PDZD8: variants seen among roughly 807,000 people sequenced by gnomAD.
The protein encoded by PDZD8 is PDZ domain containing 8, also known as PDZ domain-containing protein 8.
Under a neutral mutation model 85.8 loss-of-function variants are expected in PDZD8, and 14 were observed. The observed-to-expected ratio is 0.16, with a 90% CI of 0.11 to 0.26. PDZD8 has a LOEUF of 0.26. Among genes scored for constraint, PDZD8 ranks in the 10% least tolerant of loss-of-function variants. PDZD8 has a pLI of 1.00. For synonymous variants in PDZD8, 592 were observed against 568.6 expected (o/e 1.04, Z -0.59); for missense variants, 1,197 against 1,424.3 (o/e 0.84, Z 2.57).
At position 117,375,072 on chromosome 10, in the gene PDZD8, C is replaced by G. The variant is rs753411635; in HGVS notation, c.156G>C (p.Pro52=). The change falls in exon 1 of 5, where the codon CCG becomes CCC. Residue 52 remains proline (P), a synonymous_variant. Coordinates refer to ENST00000334464, the MANE Select transcript of PDZD8 (RefSeq NM_173791.5). ...AAAGGTACTCCCTTAGGAGCAGGCC[C>G]GGCACTGGCTTGATGTAGCGGAAGC... ...GEGFRYIKPV[P]GLLLREYLYG... 1.9e-6 allele frequency: 3 copies of G among 1,600,830 alleles called. No homozygotes were observed. Among genetic ancestry groups the G allele is most frequent in the African/African-American group, 1.3e-5 (1 of 74,774 alleles).
At chr10:117,367,883 G>C (rs1845117554) in intron 1 of PDZD8, among the ~76,000 whole-genome samples, 1 of 151,894 alleles carries the variant, frequency 6.6e-6, no homozygotes, top group African/African-American at 2.4e-5. Flanking sequence ...TCATGCACCT[G>C]CACTCCAGCC....
At chr10:117,305,216 C>A (rs1843914100) in intron 3 of PDZD8, among the ~76,000 whole-genome samples, 1 of 152,062 alleles carries the variant, frequency 6.6e-6, no homozygotes, top group Non-Finnish European at 1.5e-5. Flanking sequence ...AGTTCGAAAC[C>A]AGCCTGGCCA....
rs1026928149 is a variant in PDZD8, at chr10:117,349,370, C to T, written c.873-8268G>A. Among the ~76,000 whole-genome samples the T allele has an allele frequency of 3.9e-5, 6 of 152,062 alleles. No homozygotes were observed. The East Asian group carries it at 9.6e-4, about 24-fold the overall frequency. The stretch of plus-strand genomic sequence containing the variant: ...ATTGCTTTGAATGGCACCAAGGTAA[C>T]GAAACTGGAATATAGAGAAGGAAAC... On this transcript the variant is annotated intron_variant, in intron 1 of 4. Coordinates refer to ENST00000334464, the MANE Select transcript of PDZD8 (RefSeq NM_173791.5).
rs1554854831 is a variant in PDZD8 at position 117,333,117 on chromosome 10, C to CAAAAAAAAACAAAAAAA, written c.995+7862_995+7863insTTTTTTTGTTTTTTTTT. On this transcript the variant is annotated intron_variant, in intron 2 of 4. Transcript: ENST00000334464. The stretch of plus-strand genomic sequence containing the variant: ...CTGGACAGCAGAGTGGACTCTGTCT[C>CAAAAAAAAACAAAAAAA]AAAAAAAAAAAAAAAAAAAAAAAAA... Among the ~76,000 whole-genome samples the CAAAAAAAAACAAAAAAA allele has an allele frequency of 2.8e-4, 2 of 7,264 alleles. 1 individual carries two copies. Among genetic ancestry groups the CAAAAAAAAACAAAAAAA allele is most frequent in the Non-Finnish European group, 1.2e-3 (2 of 1,738 alleles). 4.8% of individuals were successfully genotyped at this position (7,264 alleles called of 152,430 possible). A position where few individuals can be genotyped will look rare whatever the true frequency, so the allele number is the denominator to read the frequency against.
intron 2 of PDZD8, among the ~76,000 whole-genome samples, chr10:117,333,108 ACT>A (rs1446915982): frequency 5.7e-4 from 65 of 113,378 alleles, no homozygotes; most frequent in Middle Eastern, 8.3e-3. Flanking sequence ...AGCAGAGTGG[ACT>A]CTGTCTCAAA....
chr10:117,371,940 T>C (rs375299362), intron 1 of PDZD8, among the ~76,000 whole-genome samples: 11 of 152,074 alleles, frequency 7.2e-5, no homozygotes, highest in African/African-American at 2.7e-4. Context: ...CAAAATCCTG[T>C]CTCAACAAAC....
At chr10:117,330,271 C>A (rs1205387234) in intron 2 of PDZD8, among the ~76,000 whole-genome samples, 2 of 152,030 alleles carry the variant, frequency 1.3e-5, no homozygotes, top group African/African-American at 4.8e-5. Context: ...CAAATCTAAT[C>A]TTCAGTCCTC....
At chr10:117,315,451 T>G (rs1483875784) in intron 3 of PDZD8, among the ~76,000 whole-genome samples, 1 of 151,692 alleles carries the variant, frequency 6.6e-6, no homozygotes, top group Non-Finnish European at 1.5e-5. Flanking sequence ...AACAATTAGC[T>G]GGGTGCAGTG....
At chr10:117,371,168 AGTTT>A (rs1164684162) in intron 1 of PDZD8, among the ~76,000 whole-genome samples, 6 of 152,078 alleles carry the variant, frequency 3.9e-5, no homozygotes, top group African/African-American at 1.4e-4. Context: ...CATCATCACC[AGTTT>A]GTTTATTTAT....
At chr10:117,291,810 T>G (rs906453257) in intron 3 of PDZD8, among the ~76,000 whole-genome samples, 1 of 151,322 alleles carries the variant, frequency 6.6e-6, no homozygotes, top group Non-Finnish European at 1.5e-5. Flanking sequence ...ATCTGTGAAT[T>G]AACAACAACA....
chr10:117,304,532 T>C (rs1843899857), intron 3 of PDZD8, among the ~76,000 whole-genome samples: 1 of 151,996 alleles, frequency 6.6e-6, no homozygotes, highest in Non-Finnish European at 1.5e-5. Context: ...TGTGAAGACA[T>C]GAGATTTGGA....
At chr10:117,364,817 G>A (rs888382340) in intron 1 of PDZD8, among the ~76,000 whole-genome samples, 2 of 151,878 alleles carry the variant, frequency 1.3e-5, no homozygotes, top group African/African-American at 4.8e-5. Context: ...ATTATCTGAA[G>A]GGACATCCAT....
At chr10:117,342,195 G>A (rs1844624964) in intron 1 of PDZD8, among the ~76,000 whole-genome samples, 2 of 152,084 alleles carry the variant, frequency 1.3e-5, no homozygotes, top group Admixed American at 6.5e-5. Flanking sequence ...TTTGTGCTGA[G>A]TTATAAACTG....
At chr10:117,289,426 A>AACC (rs1169218547) in intron 4 of PDZD8, among the ~76,000 whole-genome samples, 1 of 152,208 alleles carries the variant, frequency 6.6e-6, no homozygotes, top group Non-Finnish European at 1.5e-5. Context: ...AACTGTGACC[A>AACC]ACCATATGTT....
chr10:117,326,521 C>T (rs1296485914), intron 2 of PDZD8, among the ~76,000 whole-genome samples: 1 of 152,192 alleles, frequency 6.6e-6, no homozygotes, highest in Non-Finnish European at 1.5e-5. Context: ...CAGGATAATG[C>T]TGTAATCAAA....
chr10:117,330,148 A>G (rs1457231562), intron 2 of PDZD8, among the ~76,000 whole-genome samples: 1 of 151,956 alleles, frequency 6.6e-6, no homozygotes, highest in Non-Finnish European at 1.5e-5. Context: ...CCTGTTGTTA[A>G]AAGAATCAGG....
At chr10:117,286,573 C>T (rs924088564) in intron 4 of PDZD8, among the ~76,000 whole-genome samples, 2 of 152,190 alleles carry the variant, frequency 1.3e-5, no homozygotes, top group Non-Finnish European at 2.9e-5. Flanking sequence ...GGAACTTGTC[C>T]ACATCAAAGA....
intron 1 of PDZD8, among the ~76,000 whole-genome samples, chr10:117,370,918 T>TTGTGTGTG (rs71475194): frequency 0.029 from 4,248 of 146,394 alleles, 152 homozygotes; most frequent in African/African-American, 0.082. Context: ...ACAACATAGT[T>TTGTGTGTG]TGTGTGTGTG....
chr10:117,295,348 G>A (rs1843736572), intron 3 of PDZD8, among the ~76,000 whole-genome samples: 1 of 152,194 alleles, frequency 6.6e-6, no homozygotes, highest in Non-Finnish European at 1.5e-5. Flanking sequence ...GAAAAAAGAA[G>A]TGGAGGCACA....
Sources: allele counts gnomAD v4.1 joint callset (sites outside exome capture counted in the v4.1 genomes callset), GRCh38; gene constraint gnomAD v4.1.1; transcripts MANE v1.5; gene names NCBI Gene and HGNC (gene_info 2026-07-23, HGNC 2026-07-21).